ZNF804B: variants seen among roughly 807,000 people sequenced by gnomAD.
ZNF804B encodes the protein zinc finger 804B.
A neutral mutation model predicts 101.4 loss-of-function variants in ZNF804B; 80 were observed. The observed-to-expected ratio is 0.79, with a 90% CI of 0.66 to 0.95. The LOEUF is 0.95. Ranked by LOEUF, ZNF804B falls within the 40% of genes least tolerant of loss-of-function variation. The pLI, the probability that ZNF804B is intolerant of heterozygous loss-of-function variation, is 0.00. For synonymous variants in ZNF804B, 622 were observed against 558.8 expected (o/e 1.11, Z -1.59); for missense variants, 1,673 against 1,561.9 (o/e 1.07, Z -1.20).
intron 1 of ZNF804B, among the ~76,000 whole-genome samples, chr7:88,849,327 C>G (rs1028080805): frequency 3.3e-5 from 5 of 151,764 alleles, no homozygotes; most frequent in African/African-American, 9.7e-5. Flanking sequence ...AGGAAAGGGT[C>G]TTATCTATTT....
chr7:88,994,132 TTGAG>T (rs1562854119), intron 1 of ZNF804B, among the ~76,000 whole-genome samples: 1 of 152,010 alleles, frequency 6.6e-6, no homozygotes, highest in African/African-American at 2.4e-5. Flanking sequence ...TTCTCTGTGC[TTGAG>T]TGAATGTCTT....
chr7:89,168,051 T>C (rs947573715), intron 1 of ZNF804B, among the ~76,000 whole-genome samples: 3 of 152,128 alleles, frequency 2.0e-5, no homozygotes, highest in South Asian at 4.1e-4. Flanking sequence ...TTCTATTCAA[T>C]GAAATGATTA....
intron 1 of ZNF804B, among the ~76,000 whole-genome samples, chr7:88,862,727 A>G (rs1267666631): frequency 1.3e-5 from 2 of 152,140 alleles, no homozygotes; most frequent in Non-Finnish European, 2.9e-5. Context: ...ACCCTCTTGT[A>G]GTTTGTAGGT....
At chr7:89,022,067 C>T (rs544682679) in intron 1 of ZNF804B, among the ~76,000 whole-genome samples, 10 of 151,954 alleles carry the variant, frequency 6.6e-5, no homozygotes, top group South Asian at 6.2e-4. Context: ...TTTTTTTCCA[C>T]GAGGGGAAGT....
In ZNF804B at chr7:88,878,195, T is replaced by G. The variant is rs147739065; in HGVS notation, c.108+118111T>G. Among the ~76,000 whole-genome samples, 54 of 152,294 alleles carry G rather than the reference T, an allele frequency of 3.5e-4. 1 individual carries two copies. In the East Asian group the frequency reaches 0.01, roughly 28 times the overall value. On this transcript the variant is annotated intron_variant, in intron 1 of 3. Coordinates refer to ENST00000333190, the MANE Select transcript of ZNF804B (RefSeq NM_181646.5). ...CCACTGGTGGTAATTTGAAATGGGC[T>G]ATAATCCCATTGGTACCTTTTTTAT...
chr7:88,982,199 G>C (rs555355099), intron 1 of ZNF804B, among the ~76,000 whole-genome samples: 2 of 151,802 alleles, frequency 1.3e-5, no homozygotes, highest in African/African-American at 2.4e-5. Flanking sequence ...ACCAGCCAGC[G>C]GTCTTCTATA....
At chr7:89,141,116 A>G (rs747963414) in intron 1 of ZNF804B, among the ~76,000 whole-genome samples, 3 of 152,094 alleles carry the variant, frequency 2.0e-5, no homozygotes, top group Non-Finnish European at 4.4e-5. Context: ...GAGAACACAC[A>G]GCACTTATGG....
In ZNF804B at chr7:89,100,230, T is replaced by G. The variant is rs114052254; in HGVS notation, c.109-117925T>G. Among the ~76,000 whole-genome samples the G allele has an allele frequency of 4.8e-3, 723 of 152,194 alleles. 7 individuals are homozygous for G. Among genetic ancestry groups the G allele is most frequent in the African/African-American group, 0.016 (654 of 41,548 alleles). The stretch of plus-strand genomic sequence containing the variant: ...ATTGGGGAAAAGGCAGTCTCTTCAA[T>G]AAATAGTGCTGGGAAAACTGGATAT... On this transcript the variant is annotated intron_variant, in intron 1 of 3. Transcript: ENST00000333190.
intron 1 of ZNF804B, among the ~76,000 whole-genome samples, chr7:88,826,619 G>T (rs1161689912): frequency 1.3e-5 from 2 of 151,900 alleles, no homozygotes; most frequent in Non-Finnish European, 2.9e-5. Context: ...TATTATTGGG[G>T]TTGGGTGAAT....
chr7:89,134,561 A>G (rs1183909936), intron 1 of ZNF804B, among the ~76,000 whole-genome samples: 4 of 152,096 alleles, frequency 2.6e-5, no homozygotes, highest in Admixed American at 2.0e-4. Context: ...CTCTTCATGC[A>G]TAGCTGGAGG....
intron 2 of ZNF804B, among the ~76,000 whole-genome samples, chr7:89,277,596 G>A (rs866370969): frequency 5.4e-5 from 8 of 148,294 alleles, no homozygotes; most frequent in African/African-American, 1.3e-4. Flanking sequence ...GAGAATATGC[G>A]GTGTTTGGTT....
intron 1 of ZNF804B, among the ~76,000 whole-genome samples, chr7:89,087,527 C>T (rs562111327): frequency 1.3e-5 from 2 of 151,860 alleles, no homozygotes; most frequent in Non-Finnish European, 1.5e-5. Flanking sequence ...TTTAAATATG[C>T]AAGTGCTTTG....
intron 1 of ZNF804B, among the ~76,000 whole-genome samples, chr7:88,868,025 T>C (rs893787211): frequency 6.7e-6 from 1 of 149,014 alleles, no homozygotes; most frequent in Non-Finnish European, 1.5e-5. Context: ...GCAATATTCA[T>C]AATTCTACTG....
At chr7:88,799,456 T>C (rs980322580) in intron 1 of ZNF804B, among the ~76,000 whole-genome samples, 7 of 152,050 alleles carry the variant, frequency 4.6e-5, no homozygotes, top group Non-Finnish European at 1.0e-4. Context: ...GGAGGTAAAT[T>C]ATCTCCTATT....
intron 1 of ZNF804B, among the ~76,000 whole-genome samples, chr7:89,099,439 G>A (rs990434725): frequency 6.6e-6 from 1 of 152,156 alleles, no homozygotes; most frequent in Middle Eastern, 3.2e-3. Context: ...TGCTCACTGG[G>A]AAGCAGCAGC....
At chr7:88,916,365 G>A (rs913009916) in intron 1 of ZNF804B, among the ~76,000 whole-genome samples, 8 of 151,962 alleles carry the variant, frequency 5.3e-5, no homozygotes, top group African/African-American at 1.9e-4. Flanking sequence ...TGATTATAAG[G>A]TATTTTCTGA....
At position 89,268,904 on chromosome 7, in the gene ZNF804B, G is replaced by A. The variant is rs58019969; in HGVS notation, c.249+50609G>A. Among the ~76,000 whole-genome samples, 1,357 of 152,148 alleles carry A rather than the reference G, an allele frequency of 8.9e-3. 24 individuals are homozygous for A. Among genetic ancestry groups the A allele is most frequent in the African/African-American group, 0.031 (1,286 of 41,512 alleles). On this transcript the variant is annotated intron_variant, in intron 2 of 3. Coordinates refer to ENST00000333190, the MANE Select transcript of ZNF804B (RefSeq NM_181646.5). ...TGTATAAAGAGAAGACTCAGATCAG[G>A]CAGATGGTGCCTATTATTTTTCAAG... is the stretch of plus-strand genomic sequence containing the variant.
chr7:89,031,868 A>C (rs10486894), intron 1 of ZNF804B, among the ~76,000 whole-genome samples: 1 of 152,094 alleles, frequency 6.6e-6, no homozygotes. Flanking sequence ...TCAAAAATCA[A>C]TGTCGTTCTG....
At chr7:88,860,455 A>G (rs1480854464) in intron 1 of ZNF804B, among the ~76,000 whole-genome samples, 1 of 152,110 alleles carries the variant, frequency 6.6e-6, no homozygotes, top group Non-Finnish European at 1.5e-5. Flanking sequence ...CCTGGTGGGT[A>G]GCAAAATTAT....
Sources: gnomAD v4.1 joint callset for allele counts (sites outside exome capture counted in the v4.1 genomes callset) on GRCh38, gnomAD v4.1.1 for gene constraint, MANE v1.5 for transcripts, NCBI Gene and HGNC (gene_info 2026-07-23, HGNC 2026-07-21) for gene names.